The following HDAC9 variants were observed in gnomAD, a reference collection of about 807,000 sequenced individuals.
HDAC9 encodes MEF-2 interacting transcription repressor (MITR) protein.
HDAC9 carries 41 observed loss-of-function variants against 139.4 expected under a neutral mutation model. The observed-to-expected ratio is 0.29, with a 90% confidence interval of 0.23 to 0.38. The LOEUF (loss-of-function observed/expected upper bound fraction) is 0.38, where lower values mean the gene tolerates loss of function less well. HDAC9 is among the 10% of genes least tolerant of loss of function. The pLI is 1.00. For missense variants in HDAC9, 1,147 were observed against 1,297.0 expected (o/e 0.88, Z 1.78); for synonymous variants, 517 against 476.2 (o/e 1.09, Z -1.12).
intron 13 of HDAC9, among the ~76,000 whole-genome samples, chr7:18,733,446 T>C (rs1380891986): frequency 3.3e-5 from 5 of 151,172 alleles, no homozygotes; most frequent in African/African-American, 1.2e-4. Flanking sequence ...ATCTATTTTT[T>C]AAATTGCTGT....
chr7:18,507,718 C>T (rs944593392), intron 2 of HDAC9, among the ~76,000 whole-genome samples: 1 of 152,084 alleles, frequency 6.6e-6, no homozygotes, highest in Admixed American at 6.5e-5. Context: ...CTCGATCTCT[C>T]GACCTCAGGT....
At chr7:18,672,020 C>T (rs1487227937) in intron 12 of HDAC9, among the ~76,000 whole-genome samples, 1 of 151,984 alleles carries the variant, frequency 6.6e-6, no homozygotes, top group Non-Finnish European at 1.5e-5. Flanking sequence ...TGTGATCATT[C>T]GTGTACAAGG....
intron 22 of HDAC9, among the ~76,000 whole-genome samples, chr7:18,885,575 G>A (rs1273404894): frequency 1.3e-5 from 2 of 152,126 alleles, no homozygotes; most frequent in Admixed American, 1.3e-4. Context: ...TTAAGTCACA[G>A]AGATGAAGAC....
At chr7:18,307,324 G>A (rs1034384558) in intron 1 of HDAC9, among the ~76,000 whole-genome samples, 4 of 152,040 alleles carry the variant, frequency 2.6e-5, no homozygotes, top group Non-Finnish European at 5.9e-5. Flanking sequence ...AAGTTCTGAC[G>A]TGTATTAGAA....
rs1783857388 is a variant in HDAC9 at position 18,966,482 on chromosome 7, C to A, written c.3023-9324C>A. Among the ~76,000 whole-genome samples the A allele has an allele frequency of 7.2e-5, 11 of 152,244 alleles. No homozygotes were observed. The South Asian group carries it at 2.3e-3, about 32-fold the overall frequency. Reference sequence around the variant, plus strand: ...CTTTGTGAGGCCGTGGCAGGCAGATCATGAGGTCAGGAGTTCAAGACCAGC... The same window carrying A: ...CTTTGTGAGGCCGTGGCAGGCAGATAATGAGGTCAGGAGTTCAAGACCAGC... On this transcript the variant is annotated intron_variant, in intron 24 of 25. Coordinates refer to ENST00000686413, the MANE Select transcript of HDAC9 (RefSeq NM_178425.4).
At chr7:18,124,819 G>A (rs1242911847) in intron 1 of HDAC9, among the ~76,000 whole-genome samples, 1 of 151,940 alleles carries the variant, frequency 6.6e-6, no homozygotes, top group African/African-American at 2.4e-5. Context: ...CAACCTCACT[G>A]CATTTTTCTT....
intron 12 of HDAC9, among the ~76,000 whole-genome samples, chr7:18,698,709 G>A (rs542962693): frequency 3.2e-4 from 48 of 152,278 alleles, no homozygotes; most frequent in South Asian, 4.1e-4. Context: ...CCACTGCCCT[G>A]TCCAATGGAA....
intron 1 of HDAC9, among the ~76,000 whole-genome samples, chr7:18,096,602 G>T (rs2128065072): frequency 6.6e-6 from 1 of 152,280 alleles, no homozygotes; most frequent in East Asian, 1.9e-4. Flanking sequence ...CTTGCCTTAT[G>T]TTGTGTGTCA....
chr7:18,668,973 G>T (rs988427414), intron 12 of HDAC9: 6 of 775,678 alleles, frequency 7.7e-6, no homozygotes, highest in Non-Finnish European at 9.4e-6. Context: ...GACATTTTGA[G>T]CAGTTACATC....
intron 2 of HDAC9, among the ~76,000 whole-genome samples, chr7:18,250,851 A>G (rs1562794441): frequency 6.6e-6 from 1 of 151,462 alleles, no homozygotes; most frequent in Non-Finnish European, 1.5e-5. Flanking sequence ...TATGGTTTTG[A>G]TTTGCATTTC....
At chr7:18,664,163 G>C (rs1794090077) in intron 11 of HDAC9, among the ~76,000 whole-genome samples, 1 of 152,128 alleles carries the variant, frequency 6.6e-6, no homozygotes, top group Non-Finnish European at 1.5e-5. Context: ...AAGAAGAGCT[G>C]ATTAGTATTC....
intron 22 of HDAC9, among the ~76,000 whole-genome samples, chr7:18,935,256 T>G (rs1781547278): frequency 6.6e-6 from 1 of 152,136 alleles, no homozygotes; most frequent in African/African-American, 2.4e-5. Context: ...ATAACTCGTA[T>G]AGATGTTATT....
intron 1 of HDAC9, among the ~76,000 whole-genome samples, chr7:18,157,120 A>G (rs527443613): frequency 6.6e-6 from 1 of 152,292 alleles, no homozygotes; most frequent in South Asian, 2.1e-4. Context: ...GGAGATGCAG[A>G]AAAGGTAATA....
intron 2 of HDAC9, among the ~76,000 whole-genome samples, chr7:18,258,971 T>C (rs1440414964): frequency 3.0e-5 from 2 of 66,098 alleles, no homozygotes; most frequent in Admixed American, 1.3e-4. Flanking sequence ...TTTTTTTTTT[T>C]TTTTTTTTTT....
chr7:18,621,121 C>T (rs1840092828), intron 6 of HDAC9, among the ~76,000 whole-genome samples: 1 of 151,682 alleles, frequency 6.6e-6, no homozygotes, highest in Non-Finnish European at 1.5e-5. Context: ...TATATAATTG[C>T]TTGGGGAAAA....
intron 6 of HDAC9, among the ~76,000 whole-genome samples, chr7:18,604,561 T>C (rs1384096150): frequency 6.6e-6 from 1 of 151,768 alleles, no homozygotes; most frequent in Non-Finnish European, 1.5e-5. Context: ...CACGCCCAGC[T>C]AATTTTTTTT....
chr7:18,444,278 G>T (rs1395551681), intron 1 of HDAC9, among the ~76,000 whole-genome samples: 1 of 147,480 alleles, frequency 6.8e-6, no homozygotes, highest in African/African-American at 2.5e-5. Flanking sequence ...GAAGGAGGTT[G>T]CAGTAAGCCA....
chr7:18,850,798 A>G (rs866859988), intron 21 of HDAC9, among the ~76,000 whole-genome samples: 6 of 152,186 alleles, frequency 3.9e-5, no homozygotes, highest in Admixed American at 1.3e-4. Context: ...TTCAGGCGTC[A>G]GCAGAATCAA....
chr7:18,842,396 G>A (rs1204293903), intron 21 of HDAC9, among the ~76,000 whole-genome samples: 1 of 152,054 alleles, frequency 6.6e-6, no homozygotes, highest in Admixed American at 6.6e-5. Context: ...TAATAAAGAA[G>A]ATGTGGGCTT....
Sources: gnomAD v4.1 joint callset for allele counts (sites outside exome capture counted in the v4.1 genomes callset) on GRCh38, gnomAD v4.1.1 for gene constraint, MANE v1.5 for transcripts, NCBI Gene and HGNC (gene_info 2026-07-23, HGNC 2026-07-21) for gene names.